RAMP1: variants seen among roughly 807,000 people sequenced by gnomAD.
RAMP1 encodes the protein receptor activity modifying protein 1, also known as receptor activity-modifying protein 1.
Under a neutral mutation model 8.2 loss-of-function variants are expected in RAMP1, and 7 were observed. That is an observed-to-expected ratio of 0.85 (90% CI 0.49 to 1.60). The LOEUF is 1.60. Among genes scored for constraint, RAMP1 ranks in the 40% most tolerant of loss-of-function variants. RAMP1 has a pLI of 0.00. For synonymous variants in RAMP1, 92 were observed against 84.7 expected (o/e 1.09, Z -0.47); for missense variants, 192 against 202.4 (o/e 0.95, Z 0.31).
upstream of RAMP1, chr2:237,859,605 C>T: frequency 1.3e-5 from 15 of 1,156,548 alleles, no homozygotes; most frequent in Non-Finnish European, 1.6e-5. Flanking sequence ...TCCTCCGGGC[C>T]CGCGCCGCGG....
chr2:237,900,772 C>A (rs1167718332), intron 2 of RAMP1, among the ~76,000 whole-genome samples: 3 of 151,520 alleles, frequency 2.0e-5, no homozygotes, highest in African/African-American at 7.3e-5. Flanking sequence ...TAAATTTATC[C>A]TTTTTTTAAA....
intron 2 of RAMP1, among the ~76,000 whole-genome samples, chr2:237,886,736 G>A (rs549592320): frequency 6.6e-6 from 1 of 152,352 alleles, no homozygotes; most frequent in Non-Finnish European, 1.5e-5. Flanking sequence ...CCACCATGGC[G>A]TCTTTCCCAT....
intron 2 of RAMP1, among the ~76,000 whole-genome samples, chr2:237,885,134 A>C (rs1416262769): frequency 6.6e-6 from 1 of 152,244 alleles, no homozygotes; most frequent in Non-Finnish European, 1.5e-5. Context: ...AAAAGAGTCA[A>C]GTCAGGAAAT....
intron 2 of RAMP1, among the ~76,000 whole-genome samples, chr2:237,893,144 A>G (rs6746771): frequency 0.17 from 25,351 of 152,166 alleles, 2,606 homozygotes; most frequent in African/African-American, 0.28. Context: ...ACAGCTTGGC[A>G]AGATAATAAA....
chr2:237,871,825 C>T (rs2151005758), intron 1 of RAMP1, among the ~76,000 whole-genome samples: 1 of 152,292 alleles, frequency 6.6e-6, no homozygotes, highest in South Asian at 2.1e-4. Flanking sequence ...AGCGCCAGTG[C>T]ACTCCAACCT....
chr2:237,873,691 T>C (rs913378053), intron 1 of RAMP1, among the ~76,000 whole-genome samples: 16 of 152,196 alleles, frequency 1.1e-4, no homozygotes, highest in Admixed American at 9.2e-4. Flanking sequence ...TTATGAATGA[T>C]TACATTTGCA....
chr2:237,876,003 G>A (rs2062299216), intron 1 of RAMP1, among the ~76,000 whole-genome samples: 1 of 152,184 alleles, frequency 6.6e-6, no homozygotes, highest in African/African-American at 2.4e-5. Context: ...GGGACCTGGG[G>A]CCGAGTTCTG....
chr2:237,901,879 G>A (rs1368459837), intron 2 of RAMP1, among the ~76,000 whole-genome samples: 1 of 151,828 alleles, frequency 6.6e-6, no homozygotes, highest in Non-Finnish European at 1.5e-5. Context: ...CAGAAAAGTG[G>A]AAGCTGGTAT....
At chr2:237,899,145 G>A (rs185263035) in intron 2 of RAMP1, among the ~76,000 whole-genome samples, 1 of 151,562 alleles carries the variant, frequency 6.6e-6, no homozygotes. Flanking sequence ...ATCTCCGCTC[G>A]CTGCAACCTC....
rs541769137 is a variant in RAMP1 at position 237,886,652 on chromosome 2, C to T, written c.191+9290C>T. ...CACATCTTTTTCGGAAGTCTTCTGG[C>T]CCTGGGGGAAGGCACAGATGGAGAG... On this transcript the variant is annotated intron_variant, in intron 2 of 2. Transcript: ENST00000254661. 9.0e-4 allele frequency among the ~76,000 whole-genome samples: 137 copies of T among 152,318 alleles called. 2 individuals are homozygous for T. Among genetic ancestry groups the T allele is most frequent in the African/African-American group, 2.9e-3 (120 of 41,570 alleles).
At chr2:237,867,516 G>A (rs2062200591) in intron 1 of RAMP1, among the ~76,000 whole-genome samples, 1 of 151,954 alleles carries the variant, frequency 6.6e-6, no homozygotes, top group Non-Finnish European at 1.5e-5. Context: ...GATGGAGAAT[G>A]CATCTTCTTC....
chr2:237,886,254 G>A (rs1016651019), intron 2 of RAMP1, among the ~76,000 whole-genome samples: 8 of 152,176 alleles, frequency 5.3e-5, no homozygotes, highest in African/African-American at 1.4e-4. Context: ...TCTCCTTGGC[G>A]CGCGTGACCG....
intron 1 of RAMP1, among the ~76,000 whole-genome samples, chr2:237,861,055 A>T (rs1448421830): frequency 6.6e-6 from 1 of 152,194 alleles, no homozygotes; most frequent in African/African-American, 2.4e-5. Flanking sequence ...AGAAACAAAC[A>T]TTTCTTTGTT....
At chr2:237,876,652 C>T (rs569746897) in intron 1 of RAMP1, among the ~76,000 whole-genome samples, 11 of 152,260 alleles carry the variant, frequency 7.2e-5, no homozygotes, top group East Asian at 3.9e-4. Flanking sequence ...CCGCCACCCC[C>T]GCCCCCACCC....
chr2:237,868,045 T>C (rs2062206796), intron 1 of RAMP1, among the ~76,000 whole-genome samples: 1 of 150,482 alleles, frequency 6.6e-6, no homozygotes, highest in Admixed American at 6.6e-5. Context: ...GGGTTTTCTG[T>C]CTTTTTTTTT....
At chr2:237,896,110 C>T (rs2062539925) in intron 2 of RAMP1, among the ~76,000 whole-genome samples, 1 of 152,242 alleles carries the variant, frequency 6.6e-6, no homozygotes, top group Admixed American at 6.5e-5. Context: ...AATGCAACCC[C>T]TGCTCAGGCC....
At chr2:237,909,675 C>T (rs1021993300) in intron 2 of RAMP1, among the ~76,000 whole-genome samples, 10 of 152,286 alleles carry the variant, frequency 6.6e-5, no homozygotes, top group Admixed American at 2.6e-4. Context: ...TTGACACCCA[C>T]GTCCTGGGTT....
chr2:237,860,119 G>A, intron 1 of RAMP1: 1 of 167,718 alleles, frequency 6.0e-6, no homozygotes, highest in Non-Finnish European at 1.3e-5. Context: ...GCCAGCGCAG[G>A]CTCCCTTCCC....
chr2:237,880,929 G>C (rs1401403574), intron 2 of RAMP1, among the ~76,000 whole-genome samples: 1 of 152,158 alleles, frequency 6.6e-6, no homozygotes, highest in African/African-American at 2.4e-5. Context: ...TCATCACACT[G>C]GTTCCAGGGG....
Sources: allele counts gnomAD v4.1 joint callset (sites outside exome capture counted in the v4.1 genomes callset), GRCh38; gene constraint gnomAD v4.1.1; transcripts MANE v1.5; gene names NCBI Gene and HGNC (gene_info 2026-07-23, HGNC 2026-07-21).